Variants in LUZP2 observed in about 807,000 individuals in gnomAD.
LUZP2 encodes the protein leucine zipper protein 2.
A neutral mutation model predicts 51.6 loss-of-function variants in LUZP2; 52 were observed. That is an observed-to-expected ratio of 1.01 (90% CI 0.81 to 1.27). The LOEUF (loss-of-function observed/expected upper bound fraction) is 1.27, where lower values mean the gene tolerates loss of function less well. Among genes scored for constraint, LUZP2 ranks in the 50% most tolerant of loss-of-function variants. LUZP2 has a pLI of 0.00. For missense variants in LUZP2, 436 were observed against 395.4 expected, an observed-to-expected ratio of 1.10 and a Z score of -0.87; for synonymous variants, 154 against 137.3, an observed-to-expected ratio of 1.12 and a Z score of -0.85.
intron 5 of LUZP2, among the ~76,000 whole-genome samples, chr11:24,796,383 C>T (rs1337272264): frequency 6.6e-6 from 1 of 151,944 alleles, no homozygotes; most frequent in Admixed American, 6.6e-5. Context: ...AGAGGTGTAA[C>T]GTTATTATTA....
At chr11:24,635,419 A>AGGGT (rs1457113445) in intron 1 of LUZP2, among the ~76,000 whole-genome samples, 1 of 20,846 alleles carries the variant, frequency 4.8e-5, no homozygotes, top group East Asian at 2.2e-3. Flanking sequence ...AAATCAGAAA[A>AGGGT]GAGTGTGTGT....
chr11:24,880,700 C>A (rs1482212267), intron 5 of LUZP2, among the ~76,000 whole-genome samples: 1 of 151,846 alleles, frequency 6.6e-6, no homozygotes, highest in Non-Finnish European at 1.5e-5. Context: ...CTCCAATTCT[C>A]TACACGTGTT....
At position 25,062,518 on chromosome 11, in the gene LUZP2, T is replaced by C. The variant is rs549760800; in HGVS notation, c.858+12388T>C. Among the ~76,000 whole-genome samples the C allele has an allele frequency of 1.3e-3, 170 of 131,944 alleles. 2 individuals are homozygous for C. The highest frequency in any genetic ancestry group is 4.5e-3 in the African/African-American group (161 of 36,006). The allele number at this position is 131,944 out of a possible 152,430, so 86.6% of individuals were successfully genotyped here. A position where few individuals can be genotyped will look rare whatever the true frequency, so the allele number is the denominator to read the frequency against. On this transcript the variant is annotated intron_variant, in intron 10 of 11. Transcript: ENST00000336930. ...GGTGGGAGGATCACTGGAGCCAGGG[T>C]GGTTGAGGCTACAGTGAGCTATCAT...
At chr11:24,895,731 A>C (rs1353941084) in intron 5 of LUZP2, among the ~76,000 whole-genome samples, 1 of 152,218 alleles carries the variant, frequency 6.6e-6, no homozygotes, top group East Asian at 1.9e-4. Flanking sequence ...GTGTATATGT[A>C]CCACATCCAC....
chr11:24,912,354 CTG>C (rs765502685), intron 6 of LUZP2, among the ~76,000 whole-genome samples: 20 of 152,060 alleles, frequency 1.3e-4, no homozygotes, highest in Non-Finnish European at 2.5e-4. Flanking sequence ...TGTGAAAAAA[CTG>C]TGTTTCCAAT....
At chr11:24,657,458 C>G (rs1011779811) in intron 1 of LUZP2, among the ~76,000 whole-genome samples, 3 of 152,156 alleles carry the variant, frequency 2.0e-5, no homozygotes, top group Non-Finnish European at 2.9e-5. Context: ...ATGACAAACT[C>G]ACAGCCAATA....
intron 5 of LUZP2, among the ~76,000 whole-genome samples, chr11:24,828,653 G>A (rs1442368825): frequency 2.0e-5 from 3 of 151,558 alleles, no homozygotes; most frequent in East Asian, 3.9e-4. Context: ...CATAACCTGC[G>A]TGAATAACAA....
intron 1 of LUZP2, among the ~76,000 whole-genome samples, chr11:24,675,500 G>T (rs111718168): frequency 6.6e-6 from 1 of 152,084 alleles, no homozygotes; most frequent in Non-Finnish European, 1.5e-5. Flanking sequence ...AAATTAGCTT[G>T]CCATAGAGTA....
At chr11:24,773,980 A>T (rs938972405) in intron 5 of LUZP2, among the ~76,000 whole-genome samples, 65 of 151,884 alleles carry the variant, frequency 4.3e-4, no homozygotes, top group Admixed American at 4.2e-3. Flanking sequence ...ACTAGATTGG[A>T]TTGAAGGATA....
At chr11:24,529,504 A>T (rs538530990) in intron 1 of LUZP2, among the ~76,000 whole-genome samples, 1 of 150,444 alleles carries the variant, frequency 6.6e-6, no homozygotes, top group Admixed American at 6.7e-5. Flanking sequence ...TATAAATACA[A>T]ATATTTAGCA....
intron 1 of LUZP2, among the ~76,000 whole-genome samples, chr11:24,566,898 ATATGTT>A (rs1852253872): frequency 1.1e-5 from 1 of 87,822 alleles, no homozygotes; most frequent in Non-Finnish European, 2.2e-5. Context: ...ACATATTTAT[ATATGTT>A]ATATATATAT....
chr11:24,835,361 A>G (rs1234655444), intron 5 of LUZP2, among the ~76,000 whole-genome samples: 1 of 152,208 alleles, frequency 6.6e-6, no homozygotes, highest in Non-Finnish European at 1.5e-5. Flanking sequence ...AAACCCTAAA[A>G]GAAAACCTTG....
rs905936211 is a variant in LUZP2, at chr11:24,664,169, A to G, written c.63-65000A>G. On this transcript the variant is annotated intron_variant, in intron 1 of 11. Transcript: ENST00000336930. ...TGGGAAAGTTTGGAACTTCCTAGAG[A>G]CTTGGAGGGCTCAGAAGACAGGAAG... Among the ~76,000 whole-genome samples the G allele has an allele frequency of 3.3e-5, 5 of 151,912 alleles. No homozygotes were observed. In the East Asian group the frequency reaches 9.7e-4, roughly 29 times the overall value.
chr11:24,824,385 A>G (rs1431476307), intron 5 of LUZP2, among the ~76,000 whole-genome samples: 1 of 148,122 alleles, frequency 6.8e-6, no homozygotes, highest in Non-Finnish European at 1.5e-5. Flanking sequence ...AAAAAAAAAA[A>G]AAAAAAAATG....
chr11:24,774,381 T>TATATAAAC, intron 5 of LUZP2, among the ~76,000 whole-genome samples: 1 of 93,976 alleles, frequency 1.1e-5, no homozygotes, highest in Non-Finnish European at 2.0e-5. Flanking sequence ...TATATATATA[T>TATATAAAC]ACATACACAC....
chr11:24,575,723 T>C (rs1042243766), intron 1 of LUZP2, among the ~76,000 whole-genome samples: 1 of 152,180 alleles, frequency 6.6e-6, no homozygotes, highest in Admixed American at 6.6e-5. Context: ...TTTTTTAATA[T>C]GAGAGGCTGC....
intron 5 of LUZP2, among the ~76,000 whole-genome samples, chr11:24,852,251 A>T (rs969172898): frequency 6.6e-6 from 1 of 152,190 alleles, no homozygotes; most frequent in Admixed American, 6.5e-5. Context: ...TTAGTGATAT[A>T]AATTTCCCTC....
chr11:24,708,972 C>T (rs1590379076), intron 1 of LUZP2, among the ~76,000 whole-genome samples: 1 of 152,276 alleles, frequency 6.6e-6, no homozygotes, highest in African/African-American at 2.4e-5. Context: ...TTAAATTACC[C>T]AGCTCCATCA....
At chr11:24,623,288 T>A (rs1380126904) in intron 1 of LUZP2, among the ~76,000 whole-genome samples, 6 of 152,144 alleles carry the variant, frequency 3.9e-5, no homozygotes, top group Admixed American at 3.9e-4. Flanking sequence ...ATTGCAAAAC[T>A]CTTAAGCCAG....
Sources: gnomAD v4.1 joint callset for allele counts (sites outside exome capture counted in the v4.1 genomes callset) on GRCh38, gnomAD v4.1.1 for gene constraint, MANE v1.5 for transcripts, NCBI Gene and HGNC (gene_info 2026-07-23, HGNC 2026-07-21) for gene names.